The following GRB14 variants were observed in gnomAD, a reference collection of about 807,000 sequenced individuals.
GRB14 encodes growth factor receptor bound protein 14.
A neutral mutation model predicts 69.1 loss-of-function variants in GRB14; 38 were observed. The observed-to-expected ratio is 0.55, with a 90% CI of 0.42 to 0.72. The LOEUF is 0.72. Among genes scored for constraint, GRB14 ranks in the 30% least tolerant of loss-of-function variants. The probability of loss-of-function intolerance (pLI) is 0.00; values close to 1 mark genes in which losing one functional copy is unlikely to be tolerated. For synonymous variants in GRB14, 247 were observed against 241.3 expected, an observed-to-expected ratio of 1.02 and a Z score of -0.22; for missense variants, 666 against 666.1, an observed-to-expected ratio of 1.00 and a Z score of 0.00.
intron 2 of GRB14, among the ~76,000 whole-genome samples, chr2:164,613,674 C>A (rs1285857154): frequency 6.6e-6 from 1 of 152,204 alleles, no homozygotes; most frequent in Non-Finnish European, 1.5e-5. Flanking sequence ...AAGTGGTTGA[C>A]TTGATTTTTG....
At position 164,508,777 on chromosome 2, in the gene GRB14, GT is replaced by G. The variant is rs753383699; in HGVS notation, c.891del (p.Lys297AsnfsTer23). 2.5e-4 allele frequency: 392 copies of G among 1,549,098 alleles called. No individual in the cohort carries two copies. Among genetic ancestry groups the G allele is most frequent in the Admixed American group, 1.1e-3 (59 of 53,028 alleles). On this transcript the variant is annotated frameshift_variant, in exon 7 of 14. Transcript: ENST00000263915. LOFTEE classifies it high-confidence loss of function. The part of the protein sequence containing the change: ...DIYVSLAGKK[K>X]HGAPTNYGFC... Reference sequence around the variant, plus strand: ...AATCCATAGTTAGTCGGTGCTCCATGTTTTTTTTTGCCTGCCAGTGACACAT... The same window carrying G: ...AATCCATAGTTAGTCGGTGCTCCATGTTTTTTTTGCCTGCCAGTGACACAT...
chr2:164,571,227 C>T (rs996923321), intron 2 of GRB14, among the ~76,000 whole-genome samples: 14 of 152,316 alleles, frequency 9.2e-5, no homozygotes, highest in African/African-American at 3.4e-4. Flanking sequence ...CTTTGCCACT[C>T]ACTAACCTTG....
At chr2:164,564,099 G>T (rs1326664089) in intron 2 of GRB14, among the ~76,000 whole-genome samples, 1 of 152,180 alleles carries the variant, frequency 6.6e-6, no homozygotes. Context: ...AGTCTTAGAA[G>T]GCTTTAGGAT....
chr2:164,516,007 A>C (rs13426155), intron 6 of GRB14, among the ~76,000 whole-genome samples: 4,455 of 151,956 alleles, frequency 0.029, 198 homozygotes, highest in African/African-American at 0.1. Flanking sequence ...AACTTAATCC[A>C]ACAAAGACAA....
intron 2 of GRB14, among the ~76,000 whole-genome samples, chr2:164,597,590 A>G (rs28407407): frequency 0.013 from 1,994 of 152,212 alleles, 44 homozygotes; most frequent in African/African-American, 0.044. Context: ...GAACCATTAA[A>G]GAAGCTGGGT....
intron 12 of GRB14, 150 bp downstream of exon 12, chr2:164,496,858 A>C: frequency 1.6e-6 from 1 of 637,190 alleles, no homozygotes; most frequent in Non-Finnish European, 2.8e-6. Context: ...TACTGTTAGA[A>C]TACAGTGATG....
chr2:164,497,741 T>C (rs1686941305), intron 9 of GRB14, among the ~76,000 whole-genome samples: 1 of 152,068 alleles, frequency 6.6e-6, no homozygotes, highest in African/African-American at 2.4e-5. Context: ...AATTGAAGAG[T>C]TGAATAAACA....
chr2:164,621,023 G>T lies in GRB14; in HGVS notation c.191+96C>A. ...CAGAGACTTTTACAAACTTGGCCCA[G>T]CTCTGGGCACATGGCTCACCCCCTA... On this transcript the variant is annotated intron_variant, in intron 1 of 13. Transcript: ENST00000263915. The surrounding 1 kb of genome is among the most constrained non-coding windows in gnomAD (Gnocchi z 6.0). 3.7e-6 allele frequency: 4 copies of T among 1,081,492 alleles called. No homozygotes were observed. Among genetic ancestry groups the T allele is most frequent in the Non-Finnish European group, 3.6e-6 (3 of 843,830 alleles). The allele number at this position is 1,081,492 out of a possible 1,614,324, so 67.0% of individuals were successfully genotyped here.
intron 2 of GRB14, among the ~76,000 whole-genome samples, chr2:164,574,334 C>T (rs1402081004): frequency 6.6e-6 from 1 of 151,726 alleles, no homozygotes; most frequent in Non-Finnish European, 1.5e-5. Context: ...CTCCGCCTCC[C>T]GGGTTCAAGT....
At chr2:164,591,539 A>C (rs981896761) in intron 2 of GRB14, among the ~76,000 whole-genome samples, 8 of 152,232 alleles carry the variant, frequency 5.3e-5, no homozygotes, top group African/African-American at 1.9e-4. Context: ...CTACAATATC[A>C]TTCTGTTAAT....
rs1018386656 is a variant in GRB14, at chr2:164,494,835, A to C, written c.1383-311T>G. On this transcript the variant is annotated intron_variant, in intron 12 of 13. Transcript: ENST00000263915. ...ACAATTGGTGCTACGTTCTCTTTGC[A>C]CTGGGAAACTGGGTATTCACATGTA... Among the ~76,000 whole-genome samples the C allele has an allele frequency of 3.9e-5, 6 of 152,234 alleles. No homozygotes were observed. In the East Asian group the frequency reaches 9.6e-4, roughly 24 times the overall value.
At chr2:164,511,739 G>A (rs1687343282) in intron 6 of GRB14, among the ~76,000 whole-genome samples, 1 of 152,114 alleles carries the variant, frequency 6.6e-6, no homozygotes, top group African/African-American at 2.4e-5. Context: ...GAGAAAAACA[G>A]AGGGAAAAGT....
intron 3 of GRB14, among the ~76,000 whole-genome samples, chr2:164,534,109 T>C (rs1316388650): frequency 1.3e-5 from 2 of 152,184 alleles, no homozygotes; most frequent in Non-Finnish European, 2.9e-5. Flanking sequence ...TCTAGTACTA[T>C]TCTATCAAAA....
At chr2:164,566,312 A>G (rs933072280) in intron 2 of GRB14, among the ~76,000 whole-genome samples, 17 of 152,204 alleles carry the variant, frequency 1.1e-4, no homozygotes, top group African/African-American at 4.1e-4. Flanking sequence ...CCTAAAATAA[A>G]AGACATTAAG....
chr2:164,546,679 TGG>T (rs1688384912), intron 3 of GRB14, among the ~76,000 whole-genome samples: 1 of 152,210 alleles, frequency 6.6e-6, no homozygotes, highest in South Asian at 2.1e-4. Flanking sequence ...TACCCCATCT[TGG>T]GTTCCCTGGC....
At chr2:164,607,865 G>C (rs980145491) in intron 2 of GRB14, among the ~76,000 whole-genome samples, 2 of 152,068 alleles carry the variant, frequency 1.3e-5, no homozygotes, top group African/African-American at 4.8e-5. Context: ...CGAGGCTTCT[G>C]CATGATTGCT....
chr2:164,525,807 A>AG (rs1372167007), intron 4 of GRB14, among the ~76,000 whole-genome samples: 5 of 151,978 alleles, frequency 3.3e-5, no homozygotes, highest in South Asian at 2.1e-4. Context: ...TTCTGTGTTG[A>AG]GGGGGGGCAC....
At chr2:164,606,691 C>A (rs1180151327) in intron 2 of GRB14, among the ~76,000 whole-genome samples, 1 of 152,122 alleles carries the variant, frequency 6.6e-6, no homozygotes, top group African/African-American at 2.4e-5. Context: ...AGCCAATGAC[C>A]TACAGAGTGT....
intron 3 of GRB14, among the ~76,000 whole-genome samples, chr2:164,543,427 G>T (rs1426528276): frequency 2.6e-5 from 4 of 152,238 alleles, no homozygotes; most frequent in African/African-American, 9.6e-5. Flanking sequence ...CATGGATGCT[G>T]GACTCCCTAT....
Sources: allele counts gnomAD v4.1 joint callset (sites outside exome capture counted in the v4.1 genomes callset), GRCh38; gene constraint gnomAD v4.1.1; non-coding constraint Gnocchi (gnomAD v3.1); transcripts MANE v1.5; gene names NCBI Gene and HGNC (gene_info 2026-07-23, HGNC 2026-07-21).